The following THADA variants were observed in gnomAD, a reference collection of about 807,000 sequenced individuals.
THADA encodes the protein tRNA (32-2'-O)-methyltransferase regulator THADA.
A neutral mutation model predicts 219.8 loss-of-function variants in THADA; 213 were observed. That is an observed-to-expected ratio of 0.97 (90% CI 0.87 to 1.09). The LOEUF is 1.09. Ranked by LOEUF, THADA falls within the 50% of genes least tolerant of loss-of-function variation. The pLI is 0.00. For synonymous variants in THADA, 1,018 were observed against 828.9 expected (o/e 1.23, Z -3.92); for missense variants, 2,956 against 2,311.3 (o/e 1.28, Z -5.72).
At chr2:43,405,500 T>G (rs755233864) in intron 28 of THADA, among the ~76,000 whole-genome samples, 110 of 152,226 alleles carry the variant, frequency 7.2e-4, no homozygotes, top group Non-Finnish European at 1.2e-3. Context: ...GTTCTTCCTA[T>G]GCCAATATTC....
At chr2:43,510,886 G>C (rs533900176) in intron 22 of THADA, among the ~76,000 whole-genome samples, 2 of 151,532 alleles carry the variant, frequency 1.3e-5, no homozygotes, top group Non-Finnish European at 2.9e-5. Context: ...CAGGAGAATC[G>C]CTTGAACTCA....
intron 19 of THADA, among the ~76,000 whole-genome samples, chr2:43,549,758 A>G (rs898763323): frequency 5.9e-5 from 9 of 152,140 alleles, no homozygotes; most frequent in African/African-American, 2.2e-4. Context: ...AGAAAAATGA[A>G]GCAGGCAACA....
chr2:43,488,393 G>A (rs139631066), intron 25 of THADA, among the ~76,000 whole-genome samples: 53 of 152,140 alleles, frequency 3.5e-4, no homozygotes, highest in African/African-American at 1.3e-3. Context: ...CTATAAACTT[G>A]CCTTTTCTGG....
intron 26 of THADA, among the ~76,000 whole-genome samples, chr2:43,471,834 T>C (rs1397036662): frequency 6.6e-6 from 1 of 152,252 alleles, no homozygotes; most frequent in Non-Finnish European, 1.5e-5. Context: ...TGTTGGTTTT[T>C]GTTTTGTTTC....
At chr2:43,451,024 G>T (rs1326225610) in intron 26 of THADA, among the ~76,000 whole-genome samples, 2 of 152,048 alleles carry the variant, frequency 1.3e-5, no homozygotes, top group Non-Finnish European at 2.9e-5. Flanking sequence ...ATAAATGGTG[G>T]TAATGGTTAC....
At chr2:43,289,018 C>T (rs1311678489) in intron 34 of THADA, among the ~76,000 whole-genome samples, 1 of 152,210 alleles carries the variant, frequency 6.6e-6, no homozygotes, top group Non-Finnish European at 1.5e-5. Context: ...TTTGCCAATT[C>T]TGGACATTTC....
Position 43,320,443 on chromosome 2 carries a change from T to A in THADA, c.4438+3A>T. ...CAAAATACAGTATAACTATGAATCA[T>A]ACCTGGCTGGTTGTCCTTTGCAGAT... On this transcript the variant is annotated splice_donor_region_variant and intron_variant, in intron 31 of 37. Coordinates refer to ENST00000405975, the MANE Select transcript of THADA (RefSeq NM_022065.5). 1 of 1,608,844 alleles carries A rather than the reference T, an allele frequency of 6.2e-7. No homozygotes were observed. Among genetic ancestry groups the A allele is most frequent in the Middle Eastern group, 1.7e-4 (1 of 6,048 alleles).
chr2:43,337,971 T>C (rs879361655), intron 30 of THADA, among the ~76,000 whole-genome samples: 6 of 152,148 alleles, frequency 3.9e-5, no homozygotes, highest in Admixed American at 6.5e-5. Context: ...TATCATAAAA[T>C]GTCAAGACAA....
intron 26 of THADA, among the ~76,000 whole-genome samples, chr2:43,447,962 T>C (rs1288916212): frequency 6.6e-6 from 1 of 152,230 alleles, no homozygotes; most frequent in Non-Finnish European, 1.5e-5. Context: ...TTTGTCTCTA[T>C]GTTATCCGAT....
chr2:43,525,258 G>A (rs1320220748), intron 22 of THADA, among the ~76,000 whole-genome samples: 3 of 152,170 alleles, frequency 2.0e-5, no homozygotes, highest in Non-Finnish European at 4.4e-5. Context: ...TTCACATTCA[G>A]TTGGTTCATG....
At position 43,577,006 on chromosome 2, in the gene THADA, T is replaced by A; in HGVS notation, c.1037+16A>T. 6 of 1,602,862 alleles carry A rather than the reference T, an allele frequency of 3.7e-6. No individual in the cohort carries two copies. In the South Asian group the frequency reaches 5.6e-5, roughly 15 times the overall value. ...ACAAGTGAAACAAAATATGAGACGA[T>A]AGCATCAAAACTCACTGTGAACTCA... On this transcript the variant is annotated intron_variant, in intron 10 of 37. Transcript: ENST00000405975.
intron 29 of THADA, among the ~76,000 whole-genome samples, chr2:43,371,471 A>G (rs764409486): frequency 1.4e-4 from 21 of 152,242 alleles, no homozygotes; most frequent in Admixed American, 1.3e-4. Flanking sequence ...AAGAAAGAGC[A>G]ATGCTCAGTT....
intron 26 of THADA, among the ~76,000 whole-genome samples, chr2:43,432,405 A>AT (rs1302924576): frequency 1.3e-5 from 2 of 150,906 alleles, no homozygotes; most frequent in African/African-American, 4.9e-5. Flanking sequence ...ATTCCATTAT[A>AT]TGAATCTGTA....
At chr2:43,513,676 G>A (rs1463019607) in intron 22 of THADA, among the ~76,000 whole-genome samples, 14 of 152,064 alleles carry the variant, frequency 9.2e-5, no homozygotes, top group Admixed American at 9.2e-4. Flanking sequence ...TGATAGAGAG[G>A]AAAGAGCCTA....
At chr2:43,528,819 T>C (rs1182790705) in intron 21 of THADA, among the ~76,000 whole-genome samples, 1 of 152,174 alleles carries the variant, frequency 6.6e-6, no homozygotes, top group East Asian at 1.9e-4. Flanking sequence ...TGTGGTAAAA[T>C]ATACATAATA....
chr2:43,266,949 T>C (rs1671595264), intron 36 of THADA, among the ~76,000 whole-genome samples: 1 of 152,142 alleles, frequency 6.6e-6, no homozygotes, highest in Non-Finnish European at 1.5e-5. Context: ...CCTCCCGCCA[T>C]TGCTCCTTTT....
chr2:43,286,999 T>G lies in THADA; in HGVS notation c.5073A>C (p.Glu1691Asp), dbSNP rs1426123319. 1 of 1,613,852 alleles carries G rather than the reference T, an allele frequency of 6.2e-7. No homozygotes were observed. Among genetic ancestry groups the G allele is most frequent in the Non-Finnish European group, 8.5e-7 (1 of 1,179,888 alleles). ...GCCTAGACTCTGTAGGAAGATGGTC[T>G]TCACATGACAAGATGACCAGCTGAA... ...QWVQLVILSC[E>D]DHLPTESRLA... is the part of the protein sequence containing the mutation. Residue 1691 changes from glutamate to aspartate, a missense_variant, in exon 35 of 38, where the codon GAA (glutamate) becomes GAC (aspartate). Physicochemically the swap from Glu to Asp is conservative, Grantham distance 45 (BLOSUM62 2). Transcript: ENST00000405975.
intron 29 of THADA, among the ~76,000 whole-genome samples, chr2:43,355,071 C>T (rs1668728601): frequency 6.6e-6 from 1 of 152,154 alleles, no homozygotes; most frequent in South Asian, 2.1e-4. Context: ...TAAAATTACC[C>T]AGTCCTGGGT....
chr2:43,339,657 T>C (rs945799002), intron 30 of THADA, among the ~76,000 whole-genome samples: 1 of 152,170 alleles, frequency 6.6e-6, no homozygotes. Context: ...TACACACTTA[T>C]TTTTTTCCTT....
Sources: gnomAD v4.1 joint callset for allele counts (sites outside exome capture counted in the v4.1 genomes callset) on GRCh38, gnomAD v4.1.1 for gene constraint, MANE v1.5 for transcripts, NCBI Gene and HGNC (gene_info 2026-07-23, HGNC 2026-07-21) for gene names.